PDE11A: variants seen among roughly 807,000 people sequenced by gnomAD.
PDE11A encodes dual 3',5'-cyclic-AMP and -GMP phosphodiesterase 11A.
PDE11A carries 100 observed loss-of-function variants against 100.5 expected under a neutral mutation model. The ratio of observed to expected loss-of-function variants is 1.00; its 90% confidence interval spans 0.85 to 1.18. The LOEUF is 1.18. Among genes scored for constraint, PDE11A ranks in the 50% most tolerant of loss-of-function variants. PDE11A has a pLI of 0.00. For synonymous variants in PDE11A, 381 were observed against 420.8 expected (o/e 0.91, Z 1.16); for missense variants, 1,141 against 1,152.6 (o/e 0.99, Z 0.15).
At chr2:177,892,917 G>A (rs905366197) in intron 4 of PDE11A, among the ~76,000 whole-genome samples, 1 of 152,186 alleles carries the variant, frequency 6.6e-6, no homozygotes, top group African/African-American at 2.4e-5. Flanking sequence ...GCTCCTTTGG[G>A]ACTCTAGAAA....
At chr2:177,767,750 T>C (rs1470178303) in intron 10 of PDE11A, among the ~76,000 whole-genome samples, 2 of 152,226 alleles carry the variant, frequency 1.3e-5, no homozygotes, top group Non-Finnish European at 2.9e-5. Context: ...TCTTCAGATG[T>C]ATTTATTCAT....
intron 19 of PDE11A, among the ~76,000 whole-genome samples, chr2:177,646,948 G>T (rs1235611287): frequency 6.6e-6 from 1 of 152,208 alleles, no homozygotes; most frequent in Non-Finnish European, 1.5e-5. Flanking sequence ...GCTGTCCTTG[G>T]TTATCCTGTT....
intron 9 of PDE11A, among the ~76,000 whole-genome samples, chr2:177,808,181 T>G (rs2105564816): frequency 6.6e-6 from 1 of 152,316 alleles, no homozygotes; most frequent in East Asian, 1.9e-4. Context: ...AAAAAAATAT[T>G]TACCTAATCT....
intron 5 of PDE11A, among the ~76,000 whole-genome samples, chr2:177,844,615 A>G (rs373360283): frequency 0.018 from 2,720 of 151,440 alleles, 51 homozygotes; most frequent in South Asian, 0.046. Flanking sequence ...ATAGGACAAT[A>G]GTGGAGGGAA....
intron 19 of PDE11A, among the ~76,000 whole-genome samples, chr2:177,634,743 G>A (rs1304752663): frequency 6.6e-6 from 1 of 152,130 alleles, no homozygotes; most frequent in African/African-American, 2.4e-5. Flanking sequence ...GAGAGAATAT[G>A]GAACTATTAA....
intron 9 of PDE11A, among the ~76,000 whole-genome samples, chr2:177,805,571 GAA>G (rs553232955): frequency 6.6e-6 from 1 of 152,034 alleles, no homozygotes; most frequent in African/African-American, 2.4e-5. Flanking sequence ...ATCTATAAAA[GAA>G]ACACCTCATG....
At chr2:177,659,791 T>C (rs10432482) in intron 19 of PDE11A, among the ~76,000 whole-genome samples, 98,072 of 145,508 alleles carry the variant, frequency 0.67, 33,929 homozygotes, top group Admixed American at 0.77. Flanking sequence ...TTTTTTTTTT[T>C]CCCCCTCCAA....
intron 2 of PDE11A, among the ~76,000 whole-genome samples, chr2:178,013,962 T>A (rs1179827246): frequency 6.6e-6 from 1 of 152,196 alleles, no homozygotes; most frequent in Non-Finnish European, 1.5e-5. Flanking sequence ...AACACAGCAA[T>A]CTTCCTATAT....
intron 2 of PDE11A, among the ~76,000 whole-genome samples, chr2:178,011,668 T>C (rs2086275642): frequency 1.3e-5 from 2 of 152,196 alleles, no homozygotes; most frequent in Admixed American, 6.5e-5. Flanking sequence ...ATACCTCACA[T>C]GTATTCACGT....
At chr2:177,925,402 A>C (rs1032767145) in intron 2 of PDE11A, among the ~76,000 whole-genome samples, 22 of 151,544 alleles carry the variant, frequency 1.5e-4, no homozygotes, top group Non-Finnish European at 2.2e-4. Context: ...TTGTTTCCTG[A>C]CTTTTTAATG....
At chr2:177,730,005 CAG>C (rs1220960734) in intron 10 of PDE11A, among the ~76,000 whole-genome samples, 1 of 151,954 alleles carries the variant, frequency 6.6e-6, no homozygotes, top group African/African-American at 2.4e-5. Context: ...AAAAAAGAAA[CAG>C]AGGGAAAAAA....
At chr2:178,033,860 C>G (rs2086577564) in intron 1 of PDE11A, among the ~76,000 whole-genome samples, 1 of 152,138 alleles carries the variant, frequency 6.6e-6, no homozygotes, top group Non-Finnish European at 1.5e-5. Context: ...GGGATTTTGT[C>G]ACCACAAAGC....
intron 2 of PDE11A, among the ~76,000 whole-genome samples, chr2:177,990,089 C>T (rs1054335611): frequency 4.6e-5 from 7 of 152,130 alleles, no homozygotes; most frequent in Non-Finnish European, 1.0e-4. Flanking sequence ...ATATGCAGAA[C>T]CAACATACTT....
At chr2:177,705,758 A>G (rs568974421) in intron 13 of PDE11A, among the ~76,000 whole-genome samples, 78 of 152,346 alleles carry the variant, frequency 5.1e-4, no homozygotes, top group African/African-American at 1.8e-3. Flanking sequence ...GGAGATGGTG[A>G]GGAATGGGAT....
At chr2:177,934,546 A>G (rs2085249140) in intron 2 of PDE11A, among the ~76,000 whole-genome samples, 1 of 152,240 alleles carries the variant, frequency 6.6e-6, no homozygotes, top group Non-Finnish European at 1.5e-5. Context: ...GGGAATGTAA[A>G]TTACTGTAGC....
intron 5 of PDE11A, among the ~76,000 whole-genome samples, chr2:177,853,680 A>ATATATATGTGTGTGTGTGTG (rs2083766252): frequency 2.7e-5 from 1 of 36,510 alleles, no homozygotes. Context: ...ATATATATAT[A>ATATATATGTGTGTGTGTGTG]TGTGTGTGTG....
chr2:177,897,983 A>T lies in PDE11A; in HGVS notation c.1302+75T>A, dbSNP rs2084635510. The T allele has an allele frequency of 4.0e-6, 5 of 1,249,484 alleles. No homozygotes were observed. In the East Asian group the frequency reaches 1.2e-4, roughly 29 times the overall value. 77.4% of individuals were successfully genotyped at this position (1,249,484 alleles called of 1,614,324 possible). A position where few individuals can be genotyped will look rare whatever the true frequency, so the allele number is the denominator to read the frequency against. ...AGAGTGAATCAAGTCACAATTTCAC[A>T]AGTTTAATTATAAATAAACTCAACT... On this transcript the variant is annotated intron_variant, in intron 4 of 19. Transcript: ENST00000286063.
At position 177,745,483 on chromosome 2, in the gene PDE11A, C is replaced by T. The variant is rs369701248; in HGVS notation, c.1789-17311G>A. 4.2e-4 allele frequency among the ~76,000 whole-genome samples: 64 copies of T among 152,292 alleles called. No individual in the cohort carries two copies. The South Asian group carries it at 9.3e-3, about 22-fold the overall frequency. On this transcript the variant is annotated intron_variant, in intron 10 of 19. Coordinates refer to ENST00000286063, the MANE Select transcript of PDE11A (RefSeq NM_016953.4). ...AGAGTCTGATTCAGTAAGTCTAGGA[C>T]GGGACCTAGAATCCTTATTTCTTAA...
At chr2:177,965,368 A>G (rs2085685686) in intron 2 of PDE11A, among the ~76,000 whole-genome samples, 1 of 151,848 alleles carries the variant, frequency 6.6e-6, no homozygotes, top group Non-Finnish European at 1.5e-5. Context: ...AAGCTCCTTA[A>G]TTAGTTCCCA....
Sources: allele counts gnomAD v4.1 joint callset (sites outside exome capture counted in the v4.1 genomes callset), GRCh38; gene constraint gnomAD v4.1.1; transcripts MANE v1.5; gene names NCBI Gene and HGNC (gene_info 2026-07-23, HGNC 2026-07-21).